Variants in GRIK2 observed in about 807,000 individuals in gnomAD.
GRIK2 encodes glutamate receptor ionotropic, kainate 2.
Under a neutral mutation model 100.3 loss-of-function variants are expected in GRIK2, and 32 were observed. That is an observed-to-expected ratio of 0.32 (90% confidence interval 0.24 to 0.43). The LOEUF (loss-of-function observed/expected upper bound fraction) is 0.43. GRIK2 is among the 20% of genes least tolerant of loss of function. The pLI is 1.00. For synonymous variants in GRIK2, 417 were observed against 389.4 expected (o/e 1.07, Z -0.83); for missense variants, 843 against 1,114.9 (o/e 0.76, Z 3.47).
intron 4 of GRIK2, among the ~76,000 whole-genome samples, chr6:101,664,830 C>T (rs1349647419): frequency 6.6e-6 from 1 of 152,126 alleles, no homozygotes; most frequent in Non-Finnish European, 1.5e-5. Flanking sequence ...AGCAAAGGCA[C>T]ATCTTACATG....
At chr6:101,657,741 C>T (rs1404256820) in intron 4 of GRIK2, among the ~76,000 whole-genome samples, 1 of 152,102 alleles carries the variant, frequency 6.6e-6, no homozygotes, top group Non-Finnish European at 1.5e-5. Context: ...GTCTTTTGAG[C>T]TAATGTCAAG....
In GRIK2 at chr6:101,855,439, C is replaced by T. The variant is rs953100857; in HGVS notation, c.1318-3848C>T. ...AGAGGAAAGAGGTAACATATATATG[C>T]GGTTTCTTTGAAGTGGTGAATCTTG... On this transcript the variant is annotated intron_variant, in intron 10 of 16. Coordinates refer to ENST00000369134, the MANE Select transcript of GRIK2 (RefSeq NM_021956.5). Among the ~76,000 whole-genome samples, 4 of 152,028 alleles carry T rather than the reference C, an allele frequency of 2.6e-5. No homozygotes were observed. In the East Asian group the frequency reaches 5.8e-4, roughly 22 times the overall value.
At position 101,845,852 on chromosome 6, in the gene GRIK2, C is replaced by T. The variant is rs1299454295; in HGVS notation, c.1318-13435C>T. On this transcript the variant is annotated intron_variant, in intron 10 of 16. Coordinates refer to ENST00000369134, the MANE Select transcript of GRIK2 (RefSeq NM_021956.5). ...TTTCATTTTTAAAATTATAAAACAT[C>T]CTGGTAGGTGTGAAGTGGTATCTTA... Among the ~76,000 whole-genome samples the T allele has an allele frequency of 2.0e-5, 3 of 152,038 alleles. No individual in the cohort carries two copies. In the East Asian group the frequency reaches 5.8e-4, roughly 29 times the overall value.
chr6:101,798,508 A>C (rs868421135), intron 7 of GRIK2, among the ~76,000 whole-genome samples: 1 of 151,954 alleles, frequency 6.6e-6, no homozygotes, highest in Non-Finnish European at 1.5e-5. Context: ...CTCTTATTGC[A>C]TTGTGCTCTT....
At chr6:101,408,509 A>C (rs544829972) in intron 2 of GRIK2, among the ~76,000 whole-genome samples, 1 of 152,226 alleles carries the variant, frequency 6.6e-6, no homozygotes, top group Non-Finnish European at 1.5e-5. Flanking sequence ...CAGTGGTATA[A>C]TTCTAGCCTG....
chr6:101,945,662 G>A (rs1019800002), intron 14 of GRIK2, among the ~76,000 whole-genome samples: 1 of 152,040 alleles, frequency 6.6e-6, no homozygotes, highest in Non-Finnish European at 1.5e-5. Context: ...ATCATCAGTT[G>A]TTCCATTTCA....
intron 5 of GRIK2, among the ~76,000 whole-genome samples, chr6:101,677,203 G>C (rs927648567): frequency 6.6e-6 from 1 of 152,078 alleles, no homozygotes; most frequent in African/African-American, 2.4e-5. Flanking sequence ...GATATTTACT[G>C]TAAGAGACTT....
intron 14 of GRIK2, among the ~76,000 whole-genome samples, chr6:101,953,977 A>G (rs1416043279): frequency 6.6e-6 from 1 of 152,102 alleles, no homozygotes; most frequent in Non-Finnish European, 1.5e-5. Flanking sequence ...GTATGTAGAT[A>G]TCAAAGTGTC....
chr6:101,619,661 CTT>C lies in GRIK2; in HGVS notation c.116-2286_116-2285del, dbSNP rs113559445. Among the ~76,000 whole-genome samples, 1,450 of 152,094 alleles carry C rather than the reference CTT, an allele frequency of 9.5e-3. 21 individuals carry two copies. The highest frequency in any genetic ancestry group is 0.034 in the African/African-American group (1,402 of 41,548). On this transcript the variant is annotated intron_variant, in intron 2 of 16. Transcript: ENST00000369134. The stretch of plus-strand genomic sequence containing the variant: ...AAGGCTTGCATTTCTATAATTTTCT[CTT>C]TATTTCTACTTAACTTTACAAGTAC...
At chr6:101,416,572 G>A (rs1284434285) in intron 2 of GRIK2, among the ~76,000 whole-genome samples, 4 of 152,132 alleles carry the variant, frequency 2.6e-5, no homozygotes, top group African/African-American at 7.2e-5. Flanking sequence ...GGGCTTTCAG[G>A]AAATTAAATT....
At chr6:101,545,446 C>G (rs1776186411) in intron 2 of GRIK2, among the ~76,000 whole-genome samples, 1 of 152,098 alleles carries the variant, frequency 6.6e-6, no homozygotes, top group Non-Finnish European at 1.5e-5. Context: ...AGTCTGTTTT[C>G]TCTTTTAAGT....
At chr6:101,613,530 G>A (rs1779768854) in intron 2 of GRIK2, among the ~76,000 whole-genome samples, 1 of 151,652 alleles carries the variant, frequency 6.6e-6, no homozygotes, top group South Asian at 2.1e-4. Context: ...GTAAGTAAAA[G>A]ATATTAATCA....
intron 2 of GRIK2, among the ~76,000 whole-genome samples, chr6:101,483,362 A>G (rs1772636436): frequency 6.6e-6 from 1 of 152,180 alleles, no homozygotes; most frequent in Admixed American, 6.5e-5. Context: ...AGTTTGGATT[A>G]TTTGTAGTAT....
chr6:101,628,349 A>C (rs115757812), intron 4 of GRIK2, among the ~76,000 whole-genome samples: 1,922 of 152,202 alleles, frequency 0.013, 25 homozygotes, highest in South Asian at 0.04. Context: ...AAATTAGAGT[A>C]ATTTTGTTTT....
intron 15 of GRIK2, among the ~76,000 whole-genome samples, chr6:102,036,355 AAT>A (rs1384974923): frequency 2.0e-5 from 3 of 151,290 alleles, no homozygotes; most frequent in African/African-American, 7.3e-5. Flanking sequence ...AGAACCTTTG[AAT>A]ATGTTACTTT....
Position 102,018,494 on chromosome 6 carries a change from G to C in GRIK2, c.2086-16847G>C, listed in dbSNP as rs187767360. ...CAAAATAGGTCCTGCACCATGACTG[G>C]GTTCCCCTAGAGTTTATCTTTTAGT... On this transcript the variant is annotated intron_variant, in intron 14 of 16. Coordinates refer to ENST00000369134, the MANE Select transcript of GRIK2 (RefSeq NM_021956.5). Among the ~76,000 whole-genome samples, 446 of 152,154 alleles carry C rather than the reference G, an allele frequency of 2.9e-3. 3 individuals carry two copies. The highest frequency in any genetic ancestry group is 4.7e-3 in the Non-Finnish European group (319 of 68,000).
chr6:101,999,358 A>G (rs1261116755), intron 14 of GRIK2, among the ~76,000 whole-genome samples: 3 of 152,150 alleles, frequency 2.0e-5, no homozygotes, highest in African/African-American at 7.2e-5. Context: ...TGATAATTTT[A>G]CTATATAAAC....
intron 7 of GRIK2, among the ~76,000 whole-genome samples, chr6:101,769,737 C>T (rs1048296752): frequency 2.0e-5 from 3 of 152,022 alleles, no homozygotes; most frequent in Non-Finnish European, 4.4e-5. Flanking sequence ...GTGAGAGAGG[C>T]CCTCTAAAAG....
At position 101,394,714 on chromosome 6, in the gene GRIK2, T is replaced by C. The variant is rs116329273; in HGVS notation, c.-294+877T>C. On this transcript the variant is annotated intron_variant, in intron 1 of 16. Transcript: ENST00000369134. ...GTTACTGAAATAAATGCAATTGTAT[T>C]TCAATCTTGATTTGTCTTAGTTCAT... Among the ~76,000 whole-genome samples, 421 of 152,344 alleles carry C rather than the reference T, an allele frequency of 2.8e-3. 5 individuals carry two copies. Among genetic ancestry groups the C allele is most frequent in the African/African-American group, 9.9e-3 (410 of 41,586 alleles).
Sources: gnomAD v4.1 joint callset for allele counts (sites outside exome capture counted in the v4.1 genomes callset) on GRCh38, gnomAD v4.1.1 for gene constraint, MANE v1.5 for transcripts, NCBI Gene and HGNC (gene_info 2026-07-23, HGNC 2026-07-21) for gene names.